The following TMTC2 variants were observed in gnomAD, a reference collection of about 807,000 sequenced individuals.
TMTC2 encodes protein O-mannosyl-transferase TMTC2.
A neutral mutation model predicts 82.4 loss-of-function variants in TMTC2; 43 were observed. The ratio of observed to expected loss-of-function variants is 0.52; its 90% CI spans 0.41 to 0.67. TMTC2 has a LOEUF of 0.67. Ranked by LOEUF, TMTC2 falls within the 30% of genes least tolerant of loss-of-function variation. TMTC2 has a pLI of 0.00. For synonymous variants in TMTC2, 408 were observed against 381.9 expected (o/e 1.07, Z -0.80); for missense variants, 919 against 1,012.4 (o/e 0.91, Z 1.25).
intron 3 of TMTC2, among the ~76,000 whole-genome samples, chr12:82,898,054 C>G (rs1873772372): frequency 6.6e-6 from 1 of 152,124 alleles, no homozygotes; most frequent in South Asian, 2.1e-4. Flanking sequence ...ATTCAGTGAG[C>G]AACTACACAT....
chr12:83,042,423 C>T (rs939114681), intron 9 of TMTC2, among the ~76,000 whole-genome samples: 11 of 152,210 alleles, frequency 7.2e-5, no homozygotes, highest in Non-Finnish European at 2.9e-5. Context: ...TTGCATCCTT[C>T]TCTTCCTCTT....
intron 4 of TMTC2, among the ~76,000 whole-genome samples, chr12:82,933,066 T>G (rs1164576738): frequency 6.6e-6 from 1 of 152,170 alleles, no homozygotes; most frequent in East Asian, 1.9e-4. Context: ...TCCCCGTAAT[T>G]GTTGGAAATA....
At chr12:82,891,506 C>T (rs775406041) in intron 2 of TMTC2, among the ~76,000 whole-genome samples, 32 of 152,128 alleles carry the variant, frequency 2.1e-4, no homozygotes, top group Non-Finnish European at 8.8e-5. Flanking sequence ...CGGGGTTTCT[C>T]CATGTTGGTC....
chr12:82,771,967 G>A (rs551102140), intron 1 of TMTC2, among the ~76,000 whole-genome samples: 3 of 152,206 alleles, frequency 2.0e-5, no homozygotes, highest in South Asian at 4.1e-4. Flanking sequence ...TTCTATTCTC[G>A]CAGATTGTCT....
At chr12:82,925,645 T>G (rs34165699) in intron 3 of TMTC2, among the ~76,000 whole-genome samples, 8,382 of 152,296 alleles carry the variant, frequency 0.055, 324 homozygotes, top group Non-Finnish European at 0.082. Context: ...AATTTTTTAA[T>G]TATTATATCT....
intron 2 of TMTC2, among the ~76,000 whole-genome samples, chr12:82,894,453 A>G (rs1873553383): frequency 6.6e-6 from 1 of 152,194 alleles, no homozygotes; most frequent in African/African-American, 2.4e-5. Context: ...TGCTTAAGGT[A>G]TATTGCTCTT....
chr12:82,959,588 C>G (rs1465461285), intron 4 of TMTC2, among the ~76,000 whole-genome samples: 1 of 152,048 alleles, frequency 6.6e-6, no homozygotes, highest in East Asian at 1.9e-4. Flanking sequence ...ATTTGCTGTT[C>G]AGTAAATAAT....
intron 4 of TMTC2, among the ~76,000 whole-genome samples, chr12:82,953,359 T>G (rs1046338050): frequency 1.1e-4 from 16 of 152,232 alleles, no homozygotes; most frequent in African/African-American, 3.4e-4. Context: ...TGTAATTAAT[T>G]CAAGTAGTAG....
chr12:82,929,010 A>G (rs1360444678), intron 3 of TMTC2, among the ~76,000 whole-genome samples: 10 of 152,184 alleles, frequency 6.6e-5, no homozygotes, highest in Admixed American at 6.5e-4. Flanking sequence ...AATAATATTA[A>G]TGATAATAGC....
intron 2 of TMTC2, among the ~76,000 whole-genome samples, chr12:82,875,374 G>GCATATATATATATA (rs1032944879): frequency 6.6e-6 from 1 of 150,738 alleles, no homozygotes; most frequent in African/African-American, 2.5e-5. Context: ...ATATATGTGT[G>GCATATATATATATA]TATATATATA....
At chr12:82,931,460 G>A (rs983701335) in intron 4 of TMTC2, among the ~76,000 whole-genome samples, 11 of 152,142 alleles carry the variant, frequency 7.2e-5, no homozygotes, top group Admixed American at 3.3e-4. Flanking sequence ...CTGGTACAAC[G>A]AGATGTGAGT....
chr12:82,851,300 G>A (rs981613762), intron 1 of TMTC2, among the ~76,000 whole-genome samples: 1 of 151,570 alleles, frequency 6.6e-6, no homozygotes, highest in Non-Finnish European at 1.5e-5. Context: ...TGTGGTGGTG[G>A]GCACCTGTAA....
At position 82,962,988 on chromosome 12, in the gene TMTC2, G is replaced by T. The variant is rs191687100; in HGVS notation, c.1599-2036G>T. Among the ~76,000 whole-genome samples, 26 of 152,142 alleles carry T rather than the reference G, an allele frequency of 1.7e-4. No individual in the cohort carries two copies. The Middle Eastern group carries it at 0.01, about 60-fold the overall frequency. On this transcript the variant is annotated intron_variant, in intron 4 of 11. Coordinates refer to ENST00000321196, the MANE Select transcript of TMTC2 (RefSeq NM_152588.3). The stretch of plus-strand genomic sequence containing the variant: ...TTCAGGAAGGAAGGTGAATTCAGTA[G>T]TCTGAAGTGTAGTAGTTGAGTGGAG...
intron 11 of TMTC2, among the ~76,000 whole-genome samples, chr12:83,118,854 G>C (rs969716290): frequency 6.6e-6 from 1 of 151,888 alleles, no homozygotes; most frequent in African/African-American, 2.4e-5. Context: ...ATCTGTTCAG[G>C]GTGTCTAATT....
At chr12:82,955,877 A>T (rs1877585516) in intron 4 of TMTC2, among the ~76,000 whole-genome samples, 1 of 152,180 alleles carries the variant, frequency 6.6e-6, no homozygotes, top group Non-Finnish European at 1.5e-5. Context: ...CTACACATGG[A>T]TACATAAAAT....
chr12:82,965,498 A>C (rs1216024633), intron 5 of TMTC2, 62 bp from the exon 6 acceptor site: 4 of 1,558,520 alleles, frequency 2.6e-6, no homozygotes, highest in Non-Finnish European at 3.5e-6. Flanking sequence ...AACAAAGAAA[A>C]CTTTATTTTA....
At chr12:82,978,215 G>A (rs1294795906) in intron 7 of TMTC2, among the ~76,000 whole-genome samples, 1 of 151,660 alleles carries the variant, frequency 6.6e-6, no homozygotes, top group Non-Finnish European at 1.5e-5. Flanking sequence ...AATTAAGAAT[G>A]AGGCAGGATA....
At chr12:83,024,553 G>A (rs1881079982) in intron 8 of TMTC2, among the ~76,000 whole-genome samples, 1 of 152,162 alleles carries the variant, frequency 6.6e-6, no homozygotes, top group South Asian at 2.1e-4. Flanking sequence ...GGAAGTGGCT[G>A]CTAGAACACA....
intron 1 of TMTC2, among the ~76,000 whole-genome samples, chr12:82,702,997 G>C (rs1018385457): frequency 1.3e-5 from 2 of 151,876 alleles, no homozygotes; most frequent in African/African-American, 4.8e-5. Flanking sequence ...GGGTGACAGA[G>C]TGAGATTCTG....
Sources: allele counts gnomAD v4.1 joint callset (sites outside exome capture counted in the v4.1 genomes callset), GRCh38; gene constraint gnomAD v4.1.1; transcripts MANE v1.5; gene names NCBI Gene and HGNC (gene_info 2026-07-23, HGNC 2026-07-21).